Variants in ASPH observed in about 807,000 individuals in gnomAD.
ASPH encodes aspartate beta-hydroxylase, also known as aspartyl/asparaginyl beta-hydroxylase.
ASPH carries 100 observed loss-of-function variants against 118.4 expected under a neutral mutation model. That is an observed-to-expected ratio of 0.84 (90% CI 0.72 to 1.00). ASPH has a LOEUF of 1.00. Among genes scored for constraint, ASPH ranks in the 50% least tolerant of loss-of-function variants. The pLI is 0.00. For missense variants in ASPH, 920 were observed against 919.5 expected (o/e 1.00, Z -0.01); for synonymous variants, 315 against 325.6 (o/e 0.97, Z 0.35).
intron 21 of ASPH, among the ~76,000 whole-genome samples, chr8:61,527,823 T>C (rs1046581280): frequency 2.6e-5 from 4 of 152,082 alleles, no homozygotes; most frequent in African/African-American, 9.7e-5. Flanking sequence ...TGGTTCCAGG[T>C]GGTTGGTTGG....
Position 61,684,038 on chromosome 8 carries a change from C to A in ASPH, c.253+1G>T. Reference sequence around the variant, plus strand: ...TCACATAAGGATATCAAAATTCTTACCTAGAACTTCCTCATAGTCAACAAG... The same window carrying A: ...TCACATAAGGATATCAAAATTCTTAACTAGAACTTCCTCATAGTCAACAAG... On this transcript the variant is annotated splice_donor_variant, in intron 2 of 24. Coordinates refer to ENST00000379454, the MANE Select transcript of ASPH (RefSeq NM_004318.4). LOFTEE classifies it high-confidence loss of function. The A allele has an allele frequency of 6.2e-7, 1 of 1,613,224 alleles. No individual in the cohort carries two copies. Among genetic ancestry groups the A allele is most frequent in the Non-Finnish European group, 8.5e-7 (1 of 1,179,492 alleles).
At chr8:61,547,346 G>A (rs1039661021) in intron 21 of ASPH, among the ~76,000 whole-genome samples, 18 of 152,166 alleles carry the variant, frequency 1.2e-4, no homozygotes, top group African/African-American at 4.1e-4. Context: ...TTATAACTGC[G>A]TTTTCTCTCC....
At chr8:61,675,395 T>A in intron 3 of ASPH, 1 of 981,226 alleles carries the variant, frequency 1.0e-6, no homozygotes, top group Non-Finnish European at 1.2e-6. Context: ...TTAAAATAAA[T>A]TTTGCTTTCA....
chr8:61,653,095 G>T (rs1798123765), intron 4 of ASPH, among the ~76,000 whole-genome samples: 1 of 152,180 alleles, frequency 6.6e-6, no homozygotes, highest in African/African-American at 2.4e-5. Flanking sequence ...ATGAACCCAT[G>T]TGGACACAAA....
At chr8:61,587,339 G>A (rs1220482548) in intron 14 of ASPH, among the ~76,000 whole-genome samples, 9 of 152,166 alleles carry the variant, frequency 5.9e-5, no homozygotes, top group Non-Finnish European at 1.2e-4. Context: ...GGTAGTAGGA[G>A]CTCATGCCTT....
chr8:61,619,873 A>G (rs1850301609), intron 13 of ASPH, among the ~76,000 whole-genome samples: 1 of 152,168 alleles, frequency 6.6e-6, no homozygotes, highest in African/African-American at 2.4e-5. Flanking sequence ...TCGTATGCAC[A>G]TAGGTTGGAG....
At chr8:61,654,613 C>CT (rs1475905364) in intron 3 of ASPH, among the ~76,000 whole-genome samples, 1 of 152,290 alleles carries the variant, frequency 6.6e-6, no homozygotes, top group East Asian at 1.9e-4. Flanking sequence ...TATTACTCTT[C>CT]TTTTTTATTA....
At chr8:61,565,232 TG>T (rs1318707803) in intron 17 of ASPH, among the ~76,000 whole-genome samples, 24 of 152,228 alleles carry the variant, frequency 1.6e-4, no homozygotes, top group Non-Finnish European at 2.5e-4. Flanking sequence ...ATTTACTTCA[TG>T]TTTTTTTTTC....
At chr8:61,669,708 G>A (rs1057276782) in intron 3 of ASPH, among the ~76,000 whole-genome samples, 1 of 152,102 alleles carries the variant, frequency 6.6e-6, no homozygotes, top group Non-Finnish European at 1.5e-5. Flanking sequence ...GTACCGCTAT[G>A]TTCCCCTCCT....
chr8:61,698,648 T>C (rs1488770312), intron 1 of ASPH, among the ~76,000 whole-genome samples: 2 of 152,196 alleles, frequency 1.3e-5, no homozygotes, highest in Non-Finnish European at 2.9e-5. Flanking sequence ...GTTCCAATCT[T>C]CTAACGATGC....
chr8:61,677,079 T>C (rs1790706971), intron 3 of ASPH, among the ~76,000 whole-genome samples: 1 of 152,118 alleles, frequency 6.6e-6, no homozygotes, highest in African/African-American at 2.4e-5. Context: ...CCTACCGATA[T>C]GAAATGTGAT....
chr8:61,556,023 C>A lies in ASPH; in HGVS notation c.1438-1G>T, dbSNP rs775443573. On this transcript the variant is annotated splice_acceptor_variant, in intron 18 of 24. Transcript: ENST00000379454. LOFTEE classifies it high-confidence loss of function. ...CATCATTAGGTGTCACACTCAGCACCTAAACTCAAAGAAAACACAGAACAT... is the reference window on the plus strand; with the variant it reads ...CATCATTAGGTGTCACACTCAGCACATAAACTCAAAGAAAACACAGAACAT... The A allele has an allele frequency of 1.2e-6, 2 of 1,612,832 alleles. No individual in the cohort carries two copies. The highest frequency in any genetic ancestry group is 2.7e-5 in the African/African-American group (2 of 74,982).
intron 14 of ASPH, among the ~76,000 whole-genome samples, chr8:61,593,277 CTTTTT>C (rs1282696592): frequency 6.6e-6 from 1 of 151,996 alleles, no homozygotes; most frequent in African/African-American, 2.4e-5. Flanking sequence ...CCTTCTGAGG[CTTTTT>C]TTCTCTAACA....
chr8:61,625,248 T>C (rs946580376), intron 13 of ASPH: 12 of 985,658 alleles, frequency 1.2e-5, no homozygotes, highest in African/African-American at 1.7e-5. Context: ...AAATCTTCAG[T>C]GTAGAAAGAA....
chr8:61,512,894 T>A lies in ASPH; in HGVS notation c.2126+4634A>T, dbSNP rs551714866. 7.0e-4 allele frequency among the ~76,000 whole-genome samples: 106 copies of A among 152,304 alleles called. 1 individual carries two copies. Among genetic ancestry groups the A allele is most frequent in the African/African-American group, 2.4e-3 (101 of 41,574 alleles). On this transcript the variant is annotated intron_variant, in intron 24 of 24. Coordinates refer to ENST00000379454, the MANE Select transcript of ASPH (RefSeq NM_004318.4). ...CTGGGTATTGGGATAAAACAATACA[T>A]TTTTATTGAGCTTCTCTGTGTTATA...
chr8:61,513,394 G>T (rs1298335730), intron 24 of ASPH, among the ~76,000 whole-genome samples: 1 of 152,162 alleles, frequency 6.6e-6, no homozygotes, highest in Non-Finnish European at 1.5e-5. Context: ...TTTCTCTTAT[G>T]AAAAGCACTA....
chr8:61,676,122 C>T (rs745471980), intron 3 of ASPH: 1 of 1,599,444 alleles, frequency 6.3e-7, no homozygotes, highest in Non-Finnish European at 8.5e-7. Context: ...CCCTGAACCC[C>T]TTCATTCTGT....
rs1254665086 is a variant in ASPH, at chr8:61,644,009, T to C, written c.653-8A>G. On this transcript the variant is annotated splice_polypyrimidine_tract_variant and splice_region_variant and intron_variant, in intron 7 of 24. Coordinates refer to ENST00000379454, the MANE Select transcript of ASPH (RefSeq NM_004318.4). ...GATTACAGTCTTGTGAAACTATAAATTATGGAATAATTAGGAAATTACGTC... is the reference window on the plus strand; with the variant it reads ...GATTACAGTCTTGTGAAACTATAAACTATGGAATAATTAGGAAATTACGTC... 6.2e-7 allele frequency: 1 copy of C among 1,600,766 alleles called. No individual in the cohort carries two copies. The highest frequency in any genetic ancestry group is 8.6e-7 in the Non-Finnish European group (1 of 1,169,260).
At chr8:61,599,403 G>A (rs900986043) in intron 14 of ASPH, among the ~76,000 whole-genome samples, 8 of 151,202 alleles carry the variant, frequency 5.3e-5, no homozygotes, top group Non-Finnish European at 7.4e-5. Context: ...ACAGCAACAC[G>A]GCACATGTAT....
Sources: allele counts gnomAD v4.1 joint callset (sites outside exome capture counted in the v4.1 genomes callset), GRCh38; gene constraint gnomAD v4.1.1; transcripts MANE v1.5; gene names NCBI Gene and HGNC (gene_info 2026-07-23, HGNC 2026-07-21).